The following GPC5 variants were observed in gnomAD, a reference collection of about 807,000 sequenced individuals.
The protein encoded by GPC5 is glypican 5.
Under a neutral mutation model 53.9 loss-of-function variants are expected in GPC5, and 47 were observed. That is an observed-to-expected ratio of 0.87 (90% CI 0.69 to 1.11). GPC5 has a LOEUF of 1.11. Ranked by LOEUF, GPC5 falls within the 50% of genes most tolerant of loss-of-function variation. GPC5 has a pLI of 0.00. For synonymous variants in GPC5, 286 were observed against 263.3 expected (o/e 1.09, Z -0.84); for missense variants, 748 against 713.1 (o/e 1.05, Z -0.56).
At chr13:91,684,227 A>T (rs1179399373) in intron 2 of GPC5, among the ~76,000 whole-genome samples, 1 of 151,892 alleles carries the variant, frequency 6.6e-6, no homozygotes, top group Non-Finnish European at 1.5e-5. Flanking sequence ...CCCTTCGGTT[A>T]TTTCATCCAG....
intron 2 of GPC5, among the ~76,000 whole-genome samples, chr13:91,641,846 G>C (rs1171197770): frequency 6.6e-6 from 1 of 152,204 alleles, no homozygotes; most frequent in Non-Finnish European, 1.5e-5. Context: ...ATTGGAGTTG[G>C]GTGGTCTAGG....
At chr13:92,500,326 C>G (rs1880135431) in intron 7 of GPC5, among the ~76,000 whole-genome samples, 1 of 152,098 alleles carries the variant, frequency 6.6e-6, no homozygotes, top group Non-Finnish European at 1.5e-5. Context: ...TTGCAACTCC[C>G]TGGCCCTCCT....
At chr13:91,837,336 A>G (rs773707786) in intron 5 of GPC5, among the ~76,000 whole-genome samples, 42 of 152,054 alleles carry the variant, frequency 2.8e-4, no homozygotes, top group Non-Finnish European at 5.6e-4. Flanking sequence ...GAATCAGGAA[A>G]GTTATTCCCT....
At chr13:91,857,181 T>A (rs771894757) in intron 5 of GPC5, among the ~76,000 whole-genome samples, 5 of 151,416 alleles carry the variant, frequency 3.3e-5, no homozygotes, top group Non-Finnish European at 7.4e-5. Flanking sequence ...TAATAATTTC[T>A]CCCAATTCAT....
chr13:91,483,138 A>T (rs489771), intron 2 of GPC5, among the ~76,000 whole-genome samples: 151,453 of 152,274 alleles, frequency 0.99, 75,331 homozygotes, highest in Middle Eastern at 1. Flanking sequence ...TTTTGAAAAA[A>T]ACAGTCATCT....
At chr13:91,946,183 T>C (rs1389312837) in intron 6 of GPC5, among the ~76,000 whole-genome samples, 1 of 152,208 alleles carries the variant, frequency 6.6e-6, no homozygotes, top group East Asian at 1.9e-4. Flanking sequence ...CAGTCTGTTA[T>C]ATAATTTGAA....
chr13:92,691,801 A>G (rs1231493509), intron 7 of GPC5, among the ~76,000 whole-genome samples: 4 of 151,758 alleles, frequency 2.6e-5, no homozygotes, highest in Admixed American at 2.6e-4. Context: ...AAACTACAAG[A>G]TACTTTATAG....
chr13:91,973,672 T>C (rs1313646963), intron 6 of GPC5, among the ~76,000 whole-genome samples: 1 of 152,186 alleles, frequency 6.6e-6, no homozygotes, highest in Non-Finnish European at 1.5e-5. Context: ...TGTTTGTTAG[T>C]TTTCCTTCTA....
chr13:92,081,065 A>G (rs1168499374), intron 6 of GPC5, among the ~76,000 whole-genome samples: 1 of 151,932 alleles, frequency 6.6e-6, no homozygotes, highest in Admixed American at 6.6e-5. Context: ...TCTCTATTTT[A>G]TTTTGTCTAT....
chr13:92,018,581 G>C (rs1412272255), intron 6 of GPC5, among the ~76,000 whole-genome samples: 2 of 152,000 alleles, frequency 1.3e-5, no homozygotes, highest in African/African-American at 4.8e-5. Context: ...TGGGGTGGTG[G>C]GGGAGCAGTT....
chr13:91,930,696 CAT>C (rs1046056889), intron 6 of GPC5, among the ~76,000 whole-genome samples: 3 of 152,002 alleles, frequency 2.0e-5, no homozygotes, highest in African/African-American at 7.2e-5. Context: ...AATGCAAACA[CAT>C]ACCCTTTCCA....
At chr13:91,624,788 C>T (rs192381036) in intron 2 of GPC5, among the ~76,000 whole-genome samples, 1 of 151,898 alleles carries the variant, frequency 6.6e-6, no homozygotes, top group African/African-American at 2.4e-5. Context: ...AACAGAAATG[C>T]TAAATTACTA....
At chr13:91,523,832 C>A (rs769517657) in intron 2 of GPC5, among the ~76,000 whole-genome samples, 4 of 151,998 alleles carry the variant, frequency 2.6e-5, no homozygotes, top group Non-Finnish European at 5.9e-5. Context: ...TACATATATA[C>A]AACTTTTATT....
intron 6 of GPC5, among the ~76,000 whole-genome samples, chr13:92,060,959 A>G (rs1926494): frequency 0.56 from 84,917 of 151,762 alleles, 24,189 homozygotes; most frequent in East Asian, 0.79. Flanking sequence ...GCAAACCACA[A>G]ACTTGAGGCT....
intron 7 of GPC5, among the ~76,000 whole-genome samples, chr13:92,619,079 C>T (rs1181388896): frequency 1.3e-5 from 2 of 151,868 alleles, no homozygotes; most frequent in Admixed American, 6.6e-5. Context: ...AGCTAAATTA[C>T]TCACTTTGTG....
intron 7 of GPC5, among the ~76,000 whole-genome samples, chr13:92,181,609 T>A (rs759447634): frequency 6.6e-6 from 1 of 152,184 alleles, no homozygotes; most frequent in African/African-American, 2.4e-5. Flanking sequence ...TATTAGGATT[T>A]AAAGTTAGAA....
rs536536058 is a variant in GPC5 at position 92,216,754 on chromosome 13, C to A, written c.1561+71765C>A. 1.1e-4 allele frequency among the ~76,000 whole-genome samples: 17 copies of A among 152,000 alleles called. No homozygotes were observed. The East Asian group carries it at 1.7e-3, about 16-fold the overall frequency. ...CAGCACTTTGGGAGGCCAAGGTGGG[C>A]GGACCACCTGAGGTCAGGAGTTTGA... On this transcript the variant is annotated intron_variant, in intron 7 of 7. Coordinates refer to ENST00000377067, the MANE Select transcript of GPC5 (RefSeq NM_004466.6).
chr13:91,732,390 T>G (rs2140028308), intron 4 of GPC5, among the ~76,000 whole-genome samples: 1 of 152,122 alleles, frequency 6.6e-6, no homozygotes, highest in South Asian at 2.1e-4. Flanking sequence ...TTTTTTTTCT[T>G]GTAAATTGAA....
intron 7 of GPC5, among the ~76,000 whole-genome samples, chr13:92,574,086 A>G (rs1047309966): frequency 6.6e-6 from 1 of 152,084 alleles, no homozygotes; most frequent in African/African-American, 2.4e-5. Flanking sequence ...TTTAGTTTCC[A>G]CTGCACCTTG....
Sources: gnomAD v4.1 joint callset for allele counts (sites outside exome capture counted in the v4.1 genomes callset) on GRCh38, gnomAD v4.1.1 for gene constraint, MANE v1.5 for transcripts, NCBI Gene and HGNC (gene_info 2026-07-23, HGNC 2026-07-21) for gene names.